PRKCQ: variants seen among roughly 807,000 people sequenced by gnomAD.
PRKCQ encodes protein kinase C theta.
In PRKCQ, 41 loss-of-function variants were observed where a neutral mutation model predicts 91.2. That is an observed-to-expected ratio of 0.45 (90% CI 0.35 to 0.58). The LOEUF (loss-of-function observed/expected upper bound fraction) is 0.58. Ranked by LOEUF, PRKCQ falls within the 20% of genes least tolerant of loss-of-function variation. PRKCQ has a pLI of 0.00. For synonymous variants in PRKCQ, 307 were observed against 316.9 expected (o/e 0.97, Z 0.33); for missense variants, 673 against 896.5 (o/e 0.75, Z 3.18).
chr10:6,540,559 C>T (rs1839739303), intron 1 of PRKCQ, among the ~76,000 whole-genome samples: 1 of 152,160 alleles, frequency 6.6e-6, no homozygotes, highest in South Asian at 2.1e-4. Flanking sequence ...TAGCAGGTGT[C>T]AGAAAGTTTC....
chr10:6,551,382 ATTTTCTTTTTT>A (rs1485501815), intron 1 of PRKCQ, among the ~76,000 whole-genome samples: 6 of 142,018 alleles, frequency 4.2e-5, no homozygotes, highest in South Asian at 2.2e-4. Context: ...TATGTACCAC[ATTTTCTTTTTT>A]TTTTCTTTTT....
chr10:6,453,993 G>C (rs1834864429), intron 15 of PRKCQ, among the ~76,000 whole-genome samples: 1 of 151,982 alleles, frequency 6.6e-6, no homozygotes, highest in African/African-American at 2.4e-5. Flanking sequence ...AATGGGTGCA[G>C]CACACCAGCA....
At chr10:6,457,466 C>T (rs1335127036) in intron 14 of PRKCQ, among the ~76,000 whole-genome samples, 1 of 152,176 alleles carries the variant, frequency 6.6e-6, no homozygotes, top group African/African-American at 2.4e-5. Flanking sequence ...AAAAAAATGA[C>T]ATCAAGTTTT....
At chr10:6,520,470 G>A (rs1256439833) in intron 1 of PRKCQ, among the ~76,000 whole-genome samples, 1 of 152,144 alleles carries the variant, frequency 6.6e-6, no homozygotes, top group Non-Finnish European at 1.5e-5. Context: ...AATGATCTTA[G>A]GATCTTGCAA....
the PRKCQ span, among the ~76,000 whole-genome samples, chr10:6,394,169 C>A: frequency 6.6e-6 from 1 of 152,218 alleles, no homozygotes; most frequent in Non-Finnish European, 1.5e-5. Context: ...GGTGTCATGT[C>A]GTTCATTCCT....
intron 1 of PRKCQ, among the ~76,000 whole-genome samples, chr10:6,545,052 C>T (rs1288982072): frequency 6.6e-6 from 1 of 150,914 alleles, no homozygotes; most frequent in Non-Finnish European, 1.5e-5. Flanking sequence ...TTTATTTTTA[C>T]GATACTGGGA....
At chr10:6,467,385 CAGACAGAGAGAGAGAG>C (rs1835733056) in intron 12 of PRKCQ, among the ~76,000 whole-genome samples, 5 of 39,474 alleles carry the variant, frequency 1.3e-4, no homozygotes, top group Admixed American at 6.1e-4. Context: ...CAGAGAGAGA[CAGACAGAGAGAGAGAG>C]AGAGAGAGAG....
the PRKCQ span, among the ~76,000 whole-genome samples, chr10:6,405,274 C>T: frequency 1.1e-4 from 17 of 152,214 alleles, 1 homozygote; most frequent in Admixed American, 8.5e-4. Flanking sequence ...TGAGCCACCG[C>T]GCCCGGTCAG....
chr10:6,456,637 A>C (rs1314829329), intron 15 of PRKCQ, 37 bp downstream of exon 15: 1 of 1,611,090 alleles, frequency 6.2e-7, no homozygotes, highest in African/African-American at 1.3e-5. Context: ...TGGCCAGGGC[A>C]TGGTGAGGTG....
intron 8 of PRKCQ, among the ~76,000 whole-genome samples, chr10:6,486,961 G>A (rs918967024): frequency 1.3e-5 from 2 of 152,168 alleles, no homozygotes; most frequent in Non-Finnish European, 2.9e-5. Context: ...CACCTAGCAA[G>A]ACTGGACCAG....
In PRKCQ at chr10:6,479,088, G is replaced by A. The variant is rs746114853; in HGVS notation, c.1257C>T (p.Asp419=). ...CTACCATCGTGCACTCAACATCATCGTCCATCAAGACCACATCTTTCTTTA... is the reference window on the plus strand; with the variant it reads ...CTACCATCGTGCACTCAACATCATCATCCATCAAGACCACATCTTTCTTTA... ...KALKKDVVLM[D]DDVECTMVEK... The change falls in exon 12 of 18, where the codon GAC becomes GAT. Residue 419 remains aspartate, a synonymous_variant. Transcript: ENST00000263125. The A allele has an allele frequency of 6.8e-6, 11 of 1,614,056 alleles. No individual in the cohort carries two copies. Among genetic ancestry groups the A allele is most frequent in the South Asian group, 5.5e-5 (5 of 91,076 alleles).
At chr10:6,560,494 C>G (rs1032491909) in intron 1 of PRKCQ, among the ~76,000 whole-genome samples, 1 of 152,172 alleles carries the variant, frequency 6.6e-6, no homozygotes, top group African/African-American at 2.4e-5. Context: ...ATGGAACCAT[C>G]AGGACAAAAT....
chr10:6,534,443 C>A (rs1839500169), intron 1 of PRKCQ, among the ~76,000 whole-genome samples: 1 of 152,072 alleles, frequency 6.6e-6, no homozygotes, highest in African/African-American at 2.4e-5. Context: ...CAGCATGTAA[C>A]TTTATTACCT....
intron 16 of PRKCQ, among the ~76,000 whole-genome samples, chr10:6,440,445 T>C (rs1364560294): frequency 6.6e-6 from 1 of 152,210 alleles, no homozygotes; most frequent in East Asian, 1.9e-4. Context: ...GTCTCAGCTT[T>C]AGCCATCCTC....
At chr10:6,518,283 GA>G (rs1838853015) in intron 1 of PRKCQ, among the ~76,000 whole-genome samples, 1 of 152,078 alleles carries the variant, frequency 6.6e-6, no homozygotes, top group South Asian at 2.1e-4. Flanking sequence ...GAATATATAT[GA>G]AAAAGCTGCA....
At chr10:6,515,501 C>A (rs1488925192) in intron 1 of PRKCQ, 1 of 985,086 alleles carries the variant, frequency 1.0e-6, no homozygotes, top group African/African-American at 1.7e-5. Context: ...AGTAGGTGCC[C>A]AGGAAACAGC....
At chr10:6,481,481 T>C (rs910764902) in intron 11 of PRKCQ, among the ~76,000 whole-genome samples, 5 of 152,242 alleles carry the variant, frequency 3.3e-5, no homozygotes, top group African/African-American at 7.2e-5. Context: ...ACATTGCCTA[T>C]TATGCTCAGA....
At chr10:6,419,436 T>A in the PRKCQ span, among the ~76,000 whole-genome samples, 1 of 151,962 alleles carries the variant, frequency 6.6e-6, no homozygotes, top group African/African-American at 2.4e-5. Context: ...AGATGACAGT[T>A]TATTTAATCA....
rs1314078902 is a variant in PRKCQ, at chr10:6,486,063, G to A, written c.872C>T (p.Ala291Val). 3.1e-6 allele frequency: 5 copies of A among 1,613,914 alleles called. No individual in the cohort carries two copies. The highest frequency in any genetic ancestry group is 2.2e-5 in the East Asian group (1 of 44,894). Residue 291 changes from alanine (A) to valine (V), a missense_variant, in exon 9 of 18, where the codon GCG becomes GTG. Coordinates refer to ENST00000263125, the MANE Select transcript of PRKCQ (RefSeq NM_006257.5). Reference protein sequence around the residue: ...CGINQKLMAEALAMIESTQQA... With the variant: ...CGINQKLMAEVLAMIESTQQA... The stretch of plus-strand genomic sequence containing the variant: ...TTGAGTGCTCTCAATCATGGCCAGC[G>A]CTTCAGCCATTAGCTTCTGGTTTAT...
Sources: gnomAD v4.1 joint callset for allele counts (sites outside exome capture counted in the v4.1 genomes callset) on GRCh38, gnomAD v4.1.1 for gene constraint, MANE v1.5 for transcripts, NCBI Gene and HGNC (gene_info 2026-07-23, HGNC 2026-07-21) for gene names.